KCNQ5: variants seen among roughly 807,000 people sequenced by gnomAD.
KCNQ5 encodes the protein potassium voltage-gated channel subfamily KQT member 5.
In KCNQ5, 30 loss-of-function variants were observed where a neutral mutation model predicts 98.2. The ratio of observed to expected loss-of-function variants is 0.31; its 90% confidence interval spans 0.23 to 0.41. KCNQ5 has a LOEUF of 0.41. Among genes scored for constraint, KCNQ5 ranks in the 10% least tolerant of loss-of-function variants. The pLI, the probability that KCNQ5 is intolerant of heterozygous loss-of-function variation, is 1.00. For synonymous variants in KCNQ5, 458 were observed against 449.4 expected (o/e 1.02, Z -0.24); for missense variants, 835 against 1,182.5 (o/e 0.71, Z 4.31).
intron 3 of KCNQ5, among the ~76,000 whole-genome samples, chr6:73,063,720 A>G (rs200204782): frequency 1.1e-5 from 1 of 89,638 alleles, no homozygotes; most frequent in Admixed American, 1.1e-4. Context: ...AGATAGATAG[A>G]TGATAGATAG....
In KCNQ5 at chr6:73,147,416, G is replaced by A. The variant is rs112881562; in HGVS notation, c.1468+13775G>A. 5.3e-3 allele frequency among the ~76,000 whole-genome samples: 813 copies of A among 152,166 alleles called. 11 individuals are homozygous for A. The highest frequency in any genetic ancestry group is 0.018 in the African/African-American group (765 of 41,502). On this transcript the variant is annotated intron_variant, in intron 10 of 13. Coordinates refer to ENST00000370398, the MANE Select transcript of KCNQ5 (RefSeq NM_019842.4). ...ATGGCAATTTCTACCTGTGGTAAAT[G>A]GAACGTTAAAAGTTATATGCTTATA...
chr6:73,170,576 A>AAG (rs1554218360), intron 11 of KCNQ5, among the ~76,000 whole-genome samples: 1 of 150,942 alleles, frequency 6.6e-6, no homozygotes, highest in East Asian at 1.9e-4. Flanking sequence ...CAAAAAAAAA[A>AAG]AAAAGAAAAG....
chr6:72,635,670 G>GTTTTTTTTTTTTTTTT (rs528990234), intron 1 of KCNQ5, among the ~76,000 whole-genome samples: 7 of 65,064 alleles, frequency 1.1e-4, no homozygotes, highest in Non-Finnish European at 1.5e-4. Flanking sequence ...ATTGCTCCTA[G>GTTTTTTTTTTTTTTTT]TTTTTTTTTT....
At chr6:72,967,960 C>G (rs1008126178) in intron 1 of KCNQ5, among the ~76,000 whole-genome samples, 2 of 152,148 alleles carry the variant, frequency 1.3e-5, no homozygotes, top group African/African-American at 4.8e-5. Flanking sequence ...TTCTTCCCTG[C>G]TTACTCTGAC....
At chr6:72,860,723 C>G (rs1387116068) in intron 1 of KCNQ5, among the ~76,000 whole-genome samples, 1 of 151,996 alleles carries the variant, frequency 6.6e-6, no homozygotes, top group Non-Finnish European at 1.5e-5. Flanking sequence ...TTTCCCCTTC[C>G]AAAGCATTAC....
At chr6:72,850,449 C>T (rs373646665) in intron 1 of KCNQ5, among the ~76,000 whole-genome samples, 47 of 152,214 alleles carry the variant, frequency 3.1e-4, no homozygotes, top group African/African-American at 7.5e-4. Flanking sequence ...TTTTATTGAG[C>T]GCCTACTACA....
At chr6:72,758,551 A>G (rs140619691) in intron 1 of KCNQ5, among the ~76,000 whole-genome samples, 2 of 152,298 alleles carry the variant, frequency 1.3e-5, no homozygotes, top group Admixed American at 6.5e-5. Flanking sequence ...ACTAGAGTCC[A>G]AGAGAGTAGA....
intron 1 of KCNQ5, among the ~76,000 whole-genome samples, chr6:72,807,033 G>A (rs935540184): frequency 1.3e-5 from 2 of 151,976 alleles, no homozygotes; most frequent in African/African-American, 4.8e-5. Flanking sequence ...TTTAATCTCT[G>A]TGGTAAGGTG....
intron 1 of KCNQ5, among the ~76,000 whole-genome samples, chr6:72,624,625 A>G (rs1029363789): frequency 2.0e-5 from 3 of 152,230 alleles, no homozygotes; most frequent in African/African-American, 7.2e-5. Context: ...TCTGTCTACC[A>G]GGCTTTATCA....
rs571571935 is a variant in KCNQ5 at position 73,149,832 on chromosome 6, GAGGA to G, written c.1468+16211_1468+16214del. On this transcript the variant is annotated intron_variant, in intron 10 of 13. Coordinates refer to ENST00000370398, the MANE Select transcript of KCNQ5 (RefSeq NM_019842.4). ...AGAGAGAGAGAGAGAGAGAGGGAGG[GAGGA>G]AGGAAGGAAGGAAGGAAGGCAAGCT... Among the ~76,000 whole-genome samples the G allele has an allele frequency of 2.3e-3, 319 of 141,176 alleles. 1 individual carries two copies. The highest frequency in any genetic ancestry group is 7.3e-3 in the African/African-American group (247 of 33,710). 92.6% of individuals were successfully genotyped at this position (141,176 alleles called of 152,430 possible).
At chr6:72,784,352 G>A (rs979945485) in intron 1 of KCNQ5, among the ~76,000 whole-genome samples, 4 of 152,172 alleles carry the variant, frequency 2.6e-5, no homozygotes, top group Non-Finnish European at 2.9e-5. Context: ...AGAGAGCAGA[G>A]AGAACCAGAT....
intron 1 of KCNQ5, among the ~76,000 whole-genome samples, chr6:72,755,406 G>A (rs1771911658): frequency 6.6e-6 from 1 of 151,952 alleles, no homozygotes; most frequent in African/African-American, 2.4e-5. Context: ...GATGTAATAT[G>A]TTCTTTGTTC....
intron 1 of KCNQ5, among the ~76,000 whole-genome samples, chr6:72,646,566 G>A (rs1205624624): frequency 1.3e-5 from 2 of 152,260 alleles, no homozygotes; most frequent in Non-Finnish European, 2.9e-5. Flanking sequence ...ACTGTTGCAT[G>A]GGTAGACAGA....
chr6:72,835,567 T>C (rs1776470402), intron 1 of KCNQ5, among the ~76,000 whole-genome samples: 2 of 152,184 alleles, frequency 1.3e-5, no homozygotes, highest in Non-Finnish European at 2.9e-5. Flanking sequence ...TCAACCATGT[T>C]ATTTATTATA....
At position 73,131,397 on chromosome 6, in the gene KCNQ5, T is replaced by C. The variant is rs183434888; in HGVS notation, c.1248-2024T>C. Among the ~76,000 whole-genome samples, 155 of 152,300 alleles carry C rather than the reference T, an allele frequency of 1.0e-3. 1 individual carries two copies. Among genetic ancestry groups the C allele is most frequent in the Non-Finnish European group, 1.6e-3 (110 of 68,024 alleles). ...AACCAACCTTTTATAGTAATTAGCATCTGTTAGTTCCAGAAAAGGTAATAG... is the reference window on the plus strand; with the variant it reads ...AACCAACCTTTTATAGTAATTAGCACCTGTTAGTTCCAGAAAAGGTAATAG... On this transcript the variant is annotated intron_variant, in intron 9 of 13. Coordinates refer to ENST00000370398, the MANE Select transcript of KCNQ5 (RefSeq NM_019842.4).
At chr6:73,032,197 T>G (rs184811189) in intron 2 of KCNQ5, among the ~76,000 whole-genome samples, 4 of 152,350 alleles carry the variant, frequency 2.6e-5, no homozygotes, top group Admixed American at 2.6e-4. Context: ...TTAAGGAATT[T>G]TATTTAAATT....
intron 2 of KCNQ5, among the ~76,000 whole-genome samples, chr6:73,038,155 T>C (rs956173289): frequency 6.6e-6 from 1 of 152,048 alleles, no homozygotes; most frequent in Non-Finnish European, 1.5e-5. Context: ...AATTTTGTGT[T>C]TCTAATTTTC....
At chr6:72,672,081 G>T (rs1767146164) in intron 1 of KCNQ5, among the ~76,000 whole-genome samples, 1 of 150,834 alleles carries the variant, frequency 6.6e-6, no homozygotes, top group African/African-American at 2.4e-5. Context: ...CTCCCAAAGT[G>T]CTGGGATTAC....
intron 10 of KCNQ5, among the ~76,000 whole-genome samples, chr6:73,149,802 A>G (rs957470363): frequency 1.4e-5 from 2 of 144,420 alleles, no homozygotes; most frequent in Non-Finnish European, 3.0e-5. Flanking sequence ...GAAAAAAAAA[A>G]AAAAAGAGAG....
Sources: allele counts gnomAD v4.1 joint callset (sites outside exome capture counted in the v4.1 genomes callset), GRCh38; gene constraint gnomAD v4.1.1; transcripts MANE v1.5; gene names NCBI Gene and HGNC (gene_info 2026-07-23, HGNC 2026-07-21).